The following NFE2L3 variants were observed in gnomAD, a reference collection of about 807,000 sequenced individuals.
NFE2L3 encodes the protein NFE2 like bZIP transcription factor 3, also known as nuclear factor erythroid 2-related factor 3.
NFE2L3 carries 18 observed loss-of-function variants against 23.5 expected under a neutral mutation model. The observed-to-expected ratio is 0.77, with a 90% CI of 0.53 to 1.13. The LOEUF is 1.13. NFE2L3 is among the 50% of genes most tolerant of loss of function. The pLI, the probability that NFE2L3 is intolerant of heterozygous loss-of-function variation, is 0.00. For missense variants in NFE2L3, 1,152 were observed against 877.2 expected, an observed-to-expected ratio of 1.31 and a Z score of -3.96; for synonymous variants, 424 against 354.5, an observed-to-expected ratio of 1.20 and a Z score of -2.20.
At position 26,183,580 on chromosome 7, in the gene NFE2L3, A is replaced by G. The variant is rs1292937051; in HGVS notation, c.751-121A>G. ...AAAAAGTAGAACTTCCAACCAAGGA[A>G]CATAATAGCATAAAAATCCAGTGTG... is the stretch of plus-strand genomic sequence containing the variant. On this transcript the variant is annotated intron_variant, in intron 2 of 3. Transcript: ENST00000056233. 6 of 668,790 alleles carry G rather than the reference A, an allele frequency of 9.0e-6. 1 individual carries two copies. In the South Asian group the frequency reaches 9.1e-5, roughly 10 times the overall value. 41.4% of individuals were successfully genotyped at this position (668,790 alleles called of 1,614,324 possible).
At chr7:26,161,513 C>A (rs1784173491) in intron 1 of NFE2L3, among the ~76,000 whole-genome samples, 1 of 151,958 alleles carries the variant, frequency 6.6e-6, no homozygotes, top group Non-Finnish European at 1.5e-5. Flanking sequence ...GTTTTCCAGA[C>A]CCCCAGGTGG....
At chr7:26,159,417 A>G (rs147084518) in intron 1 of NFE2L3, among the ~76,000 whole-genome samples, 55 of 152,112 alleles carry the variant, frequency 3.6e-4, no homozygotes, top group Admixed American at 1.4e-3. Context: ...CATTTCTTCT[A>G]TAGGACTTGG....
intron 1 of NFE2L3, among the ~76,000 whole-genome samples, chr7:26,169,098 A>G (rs1562672533): frequency 6.6e-6 from 1 of 152,190 alleles, no homozygotes; most frequent in Non-Finnish European, 1.5e-5. Context: ...AGCAATTGCA[A>G]ATTATATTAC....
intron 1 of NFE2L3, among the ~76,000 whole-genome samples, chr7:26,176,063 T>C (rs1305281225): frequency 6.6e-6 from 1 of 151,766 alleles, no homozygotes; most frequent in East Asian, 1.9e-4. Flanking sequence ...GTGATGACTC[T>C]TAATGAGCAT....
intron 2 of NFE2L3, among the ~76,000 whole-genome samples, chr7:26,181,004 TCTCA>T (rs1269327996): frequency 6.6e-6 from 1 of 151,754 alleles, no homozygotes; most frequent in Non-Finnish European, 1.5e-5. Flanking sequence ...GGAGACAGGA[TCTCA>T]CTCTGTCACC....
Position 26,178,086 on chromosome 7 carries a change from C to G in NFE2L3, c.714C>G (p.Asp238Glu). ...AAAACAAAATAGCAGAGAAACCTGACTGGGAGGCAGAAAAGACCACTGAAT... is the reference window on the plus strand; with the variant it reads ...AAAACAAAATAGCAGAGAAACCTGAGTGGGAGGCAGAAAAGACCACTGAAT... ...DDENKIAEKP[D>E]WEAEKTTESR... Residue 238 changes from aspartate to glutamate, a missense_variant, in exon 2 of 4, where the codon GAC becomes GAG. By Grantham distance (45) the Asp-to-Glu change is conservative. Transcript: ENST00000056233. 1 of 1,613,934 alleles carries G rather than the reference C, an allele frequency of 6.2e-7. No individual in the cohort carries two copies. The highest frequency in any genetic ancestry group is 1.7e-5 in the Admixed American group (1 of 60,004).
chr7:26,166,749 T>C (rs980983027), intron 1 of NFE2L3, among the ~76,000 whole-genome samples: 11 of 152,346 alleles, frequency 7.2e-5, no homozygotes, highest in Admixed American at 6.5e-4. Context: ...TGGCTCCATG[T>C]TTCTCTCTAG....
At chr7:26,177,380 C>T (rs1006158055) in intron 1 of NFE2L3, among the ~76,000 whole-genome samples, 8 of 152,214 alleles carry the variant, frequency 5.3e-5, no homozygotes, top group Admixed American at 4.6e-4. Flanking sequence ...GCAGATCACT[C>T]GAGGTCAGGA....
At chr7:26,161,666 G>C (rs1351783221) in intron 1 of NFE2L3, among the ~76,000 whole-genome samples, 1 of 152,030 alleles carries the variant, frequency 6.6e-6, no homozygotes, top group East Asian at 1.9e-4. Flanking sequence ...TTAAAAAACT[G>C]GGCCAAAGTG....
intron 1 of NFE2L3, among the ~76,000 whole-genome samples, chr7:26,168,514 A>G (rs1344836032): frequency 7.1e-6 from 1 of 140,954 alleles, no homozygotes; most frequent in Non-Finnish European, 1.5e-5. Flanking sequence ...TATATATTAT[A>G]TGATTATATG....
Position 26,152,934 on chromosome 7 carries a change from G to A in NFE2L3, c.436G>A (p.Gly146Ser). The A allele has an allele frequency of 3.5e-6, 5 of 1,439,620 alleles. No individual in the cohort carries two copies. Among genetic ancestry groups the A allele is most frequent in the Non-Finnish European group, 4.5e-6 (5 of 1,109,090 alleles). The allele number at this position is 1,439,620 out of a possible 1,614,324, so 89.2% of individuals were successfully genotyped here. ...TGGAGASVDG[G>S]SQAVQGGGGD... Reference sequence around the variant, plus strand: ...AGGAGCCGGCGCCAGCGTGGACGGCGGCAGCCAGGCTGTGCAGGGGGGCGG... The same window carrying A: ...AGGAGCCGGCGCCAGCGTGGACGGCAGCAGCCAGGCTGTGCAGGGGGGCGG... Residue 146 changes from glycine to serine, a missense_variant, in exon 1 of 4, where the codon GGC (glycine) becomes AGC (serine). By Grantham distance (56) the Gly-to-Ser change is moderately conservative. Transcript: ENST00000056233. This position sits in a 1 kb window ranked among gnomAD's most constrained non-coding sequence, Gnocchi z 4.4.
intron 1 of NFE2L3, among the ~76,000 whole-genome samples, chr7:26,165,187 C>G (rs369949829): frequency 6.6e-6 from 1 of 152,112 alleles, no homozygotes; most frequent in Non-Finnish European, 1.5e-5. Flanking sequence ...TCTGTGAAGA[C>G]AGTCATTGGT....
rs866113315 is a variant in NFE2L3 at position 26,186,598 on chromosome 7, G to T, written c.*815G>T. On this transcript the variant is annotated 3_prime_UTR_variant, in exon 4 of 4. Coordinates refer to ENST00000056233, the MANE Select transcript of NFE2L3 (RefSeq NM_004289.7). ...GACAGAATGGGCTACTTGCAAAAAC[G>T]TAACTCCTTGTGTGTATATTAAATC... 6.6e-6 allele frequency: 1 copy of T among 152,262 alleles called. No individual in the cohort carries two copies. Among genetic ancestry groups the T allele is most frequent in the African/African-American group, 2.4e-5 (1 of 41,550 alleles). 9.4% of individuals were successfully genotyped at this position (152,262 alleles called of 1,614,324 possible).
chr7:26,181,001 G>A (rs1047302023), intron 2 of NFE2L3, among the ~76,000 whole-genome samples: 1 of 151,588 alleles, frequency 6.6e-6, no homozygotes, highest in Non-Finnish European at 1.5e-5. Flanking sequence ...GGGGGAGACA[G>A]GATCTCACTC....
intron 1 of NFE2L3, among the ~76,000 whole-genome samples, chr7:26,161,734 T>C (rs1784176499): frequency 6.6e-6 from 1 of 152,116 alleles, no homozygotes. Flanking sequence ...TATTATTTTC[T>C]AATATATTCT....
chr7:26,183,372 A>G (rs1401512439), intron 2 of NFE2L3, among the ~76,000 whole-genome samples: 4 of 152,090 alleles, frequency 2.6e-5, no homozygotes, highest in Non-Finnish European at 4.4e-5. Context: ...ACATGGTGAA[A>G]CCCTGTCTCT....
At chr7:26,182,585 ACCAGTGCTCT>A (rs902121991) in intron 2 of NFE2L3, among the ~76,000 whole-genome samples, 1 of 145,306 alleles carries the variant, frequency 6.9e-6, no homozygotes, top group African/African-American at 2.8e-5. Context: ...CTGAGATCTC[ACCAGTGCTCT>A]CCAGCCTGGG....
chr7:26,181,340 T>C (rs1784504932), intron 2 of NFE2L3, among the ~76,000 whole-genome samples: 1 of 152,186 alleles, frequency 6.6e-6, no homozygotes, highest in Non-Finnish European at 1.5e-5. Flanking sequence ...ACTTAGTAGG[T>C]GCTTTTAAAG....
chr7:26,185,631 A>ATT lies in NFE2L3; in HGVS notation c.1937_1938dup (p.Ser647LeufsTer4), dbSNP rs771871344. On this transcript the variant is annotated frameshift_variant, in exon 4 of 4. Coordinates refer to ENST00000056233, the MANE Select transcript of NFE2L3 (RefSeq NM_004289.7). LOFTEE classifies it high-confidence loss of function. The stretch of plus-strand genomic sequence containing the variant: ...GAAACTGCATGACCTTTATCATGAT[A>ATT]TTTTTAGTAGATTAAGAGATGACCA... 2 of 1,613,800 alleles carry ATT rather than the reference A, an allele frequency of 1.2e-6. No homozygotes were observed. Among genetic ancestry groups the ATT allele is most frequent in the African/African-American group, 2.7e-5 (2 of 74,924 alleles).
Sources: gnomAD v4.1 joint callset for allele counts (sites outside exome capture counted in the v4.1 genomes callset) on GRCh38, gnomAD v4.1.1 for gene constraint, Gnocchi (gnomAD v3.1) non-coding constraint, MANE v1.5 for transcripts, NCBI Gene and HGNC (gene_info 2026-07-23, HGNC 2026-07-21) for gene names.